RARB: variants seen among roughly 807,000 people sequenced by gnomAD.
The protein encoded by RARB is HBV-activated protein.
In RARB, 17 loss-of-function variants were observed where a neutral mutation model predicts 51.9. The observed-to-expected ratio is 0.33, with a 90% confidence interval of 0.22 to 0.49. RARB has a LOEUF of 0.49. Among genes scored for constraint, RARB ranks in the 20% least tolerant of loss-of-function variants. The pLI is 0.99. For synonymous variants in RARB, 215 were observed against 195.4 expected, an observed-to-expected ratio of 1.10 and a Z score of -0.84; for missense variants, 369 against 550.8, an observed-to-expected ratio of 0.67 and a Z score of 3.30.
intron 5 of RARB, among the ~76,000 whole-genome samples, chr3:25,581,981 T>C (rs543336827): frequency 9.9e-5 from 15 of 152,054 alleles, no homozygotes; most frequent in Non-Finnish European, 2.1e-4. Context: ...AGGTCACAGA[T>C]GGGGGTGGTG....
chr3:24,984,792 T>G (rs1196600289), intron 2 of RARB, among the ~76,000 whole-genome samples: 1 of 152,236 alleles, frequency 6.6e-6, no homozygotes, highest in Non-Finnish European at 1.5e-5. Context: ...TTAATCTGCT[T>G]ACTGTAGTAA....
intron 3 of RARB, among the ~76,000 whole-genome samples, chr3:25,090,707 T>C (rs1699181511): frequency 6.6e-6 from 1 of 152,258 alleles, no homozygotes; most frequent in East Asian, 1.9e-4. Flanking sequence ...CTCATGGTAC[T>C]AAGGAGACAA....
chr3:25,467,324 G>A (rs1695480227), intron 2 of RARB, among the ~76,000 whole-genome samples: 3 of 152,200 alleles, frequency 2.0e-5, no homozygotes, highest in Non-Finnish European at 1.5e-5. Context: ...ATTCTGGATA[G>A]GTCTTCTTGT....
At chr3:25,363,478 T>C (rs930798225) in intron 5 of RARB, among the ~76,000 whole-genome samples, 3 of 152,156 alleles carry the variant, frequency 2.0e-5, no homozygotes, top group Admixed American at 6.6e-5. Flanking sequence ...GGCAACTTCA[T>C]CTTTCCAGTT....
intron 5 of RARB, among the ~76,000 whole-genome samples, chr3:25,230,944 AT>A (rs1702162839): frequency 6.6e-6 from 1 of 152,184 alleles, no homozygotes; most frequent in South Asian, 2.1e-4. Flanking sequence ...TATAAGATTC[AT>A]TTTTTGTTTT....
At chr3:25,291,996 A>G (rs1703798841) in intron 5 of RARB, among the ~76,000 whole-genome samples, 1 of 152,102 alleles carries the variant, frequency 6.6e-6, no homozygotes, top group African/African-American at 2.4e-5. Context: ...TACCAATTTA[A>G]TACAACGTTG....
intron 2 of RARB, among the ~76,000 whole-genome samples, chr3:24,896,089 T>G (rs1703474152): frequency 6.6e-6 from 1 of 152,192 alleles, no homozygotes; most frequent in Non-Finnish European, 1.5e-5. Context: ...GACATTATAC[T>G]AAGTAAAATA....
At chr3:25,038,388 G>A (rs370014735) in intron 2 of RARB, among the ~76,000 whole-genome samples, 1 of 144,582 alleles carries the variant, frequency 6.9e-6, no homozygotes, top group Admixed American at 6.9e-5. Flanking sequence ...AGTAAAGTCT[G>A]GGGGAATGAG....
intron 2 of RARB, among the ~76,000 whole-genome samples, chr3:24,909,456 G>A (rs149027484): frequency 1.3e-5 from 2 of 152,244 alleles, no homozygotes; most frequent in East Asian, 1.9e-4. Flanking sequence ...AGTGAGCTAT[G>A]AAAGAACAGA....
chr3:25,209,092 C>A (rs181107526), intron 5 of RARB, among the ~76,000 whole-genome samples: 1 of 152,340 alleles, frequency 6.6e-6, no homozygotes, highest in Non-Finnish European at 1.5e-5. Flanking sequence ...GTCAGCATAA[C>A]AAGTGGCCAC....
At chr3:25,134,276 T>C (rs2125334338) in intron 4 of RARB, among the ~76,000 whole-genome samples, 1 of 152,048 alleles carries the variant, frequency 6.6e-6, no homozygotes, top group East Asian at 1.9e-4. Context: ...GGGAAATCTT[T>C]AGTCAAAAAT....
At chr3:25,568,570 G>A (rs1391941356) in intron 3 of RARB, among the ~76,000 whole-genome samples, 1 of 151,608 alleles carries the variant, frequency 6.6e-6, no homozygotes, top group African/African-American at 2.4e-5. Flanking sequence ...TCCTGCTATT[G>A]TCTTACTCTG....
intron 5 of RARB, among the ~76,000 whole-genome samples, chr3:25,397,162 G>A (rs1341304842): frequency 6.6e-6 from 1 of 152,158 alleles, no homozygotes; most frequent in Non-Finnish European, 1.5e-5. Context: ...CTCCCCAAGG[G>A]TCCCTGTGAG....
At chr3:25,022,629 G>A (rs1027223986) in intron 2 of RARB, among the ~76,000 whole-genome samples, 7 of 152,012 alleles carry the variant, frequency 4.6e-5, no homozygotes, top group South Asian at 2.1e-4. Context: ...TACTTTAACC[G>A]TTCTGTTGAG....
At chr3:25,407,608 G>C (rs898163407) in intron 5 of RARB, among the ~76,000 whole-genome samples, 2 of 152,004 alleles carry the variant, frequency 1.3e-5, no homozygotes, top group Non-Finnish European at 2.9e-5. Flanking sequence ...AATCTACCTC[G>C]TTTTATATAT....
chr3:25,117,388 C>T (rs1210378145), intron 3 of RARB, among the ~76,000 whole-genome samples: 1 of 152,128 alleles, frequency 6.6e-6, no homozygotes, highest in South Asian at 2.1e-4. Context: ...GCAAAGCAAA[C>T]AGCATGTGCA....
Position 25,142,725 on chromosome 3 carries a change from C to A in RARB, c.-280+10517C>A, listed in dbSNP as rs77981046. ...TCTACCTTTTGAAGGGGAAATGCTG[C>A]CTCCCAGAAAGCCTCCAGAAACCAA... is the stretch of plus-strand genomic sequence containing the variant. On this transcript the variant is annotated intron_variant, in intron 4 of 11. Transcript: ENST00000383772. Among the ~76,000 whole-genome samples, 453 of 152,110 alleles carry A rather than the reference C, an allele frequency of 3.0e-3. 2 individuals carry two copies. In the East Asian group the frequency reaches 0.033, roughly 11 times the overall value.
intron 2 of RARB, among the ~76,000 whole-genome samples, chr3:24,869,717 A>T (rs1276839939): frequency 6.6e-6 from 1 of 152,080 alleles, no homozygotes; most frequent in Non-Finnish European, 1.5e-5. Context: ...AAATATTTTT[A>T]AATTTTTTGC....
upstream of RARB, among the ~76,000 whole-genome samples, chr3:25,425,851 T>C (rs1044016518): frequency 6.6e-6 from 1 of 152,144 alleles, no homozygotes; most frequent in Non-Finnish European, 1.5e-5. Flanking sequence ...CTGGGACCAG[T>C]GCATCTCTAC....
Sources: allele counts gnomAD v4.1 joint callset (sites outside exome capture counted in the v4.1 genomes callset), GRCh38; gene constraint gnomAD v4.1.1; transcripts MANE v1.5; gene names NCBI Gene and HGNC (gene_info 2026-07-23, HGNC 2026-07-21).